The following TPMT variants were observed in gnomAD, a reference collection of about 807,000 sequenced individuals.
TPMT encodes the protein thiopurine S-methyltransferase.
A neutral mutation model predicts 34.2 loss-of-function variants in TPMT; 18 were observed. The ratio of observed to expected loss-of-function variants is 0.53; its 90% CI spans 0.36 to 0.78. The LOEUF is 0.78. Among genes scored for constraint, TPMT ranks in the 30% least tolerant of loss-of-function variants. The pLI, the probability that TPMT is intolerant of heterozygous loss-of-function variation, is 0.00. For synonymous variants in TPMT, 69 were observed against 92.4 expected (o/e 0.75, Z 1.45); for missense variants, 265 against 288.1 (o/e 0.92, Z 0.58).
Position 18,149,327 on chromosome 6 carries a change from G to A in TPMT, c.-44-156C>T, listed in dbSNP as rs1031506645. Among the ~76,000 whole-genome samples, 1 of 152,024 alleles carries A rather than the reference G, an allele frequency of 6.6e-6. No homozygotes were observed. Among genetic ancestry groups the A allele is most frequent in the Non-Finnish European group, 1.5e-5 (1 of 68,014 alleles). On this transcript the variant is annotated intron_variant, in intron 1 of 8. Coordinates refer to ENST00000309983, the MANE Select transcript of TPMT (RefSeq NM_000367.5). The surrounding 1 kb of genome is among the most constrained non-coding windows in gnomAD (Gnocchi z 5.0). ...TATTTTTGAGATGGAGTCTCACTCT[G>A]TCTCCCAGCCTGGGGTACAGTAGTG...
chr6:18,130,859 C>T lies in TPMT; in HGVS notation c.626-79G>A. The T allele has an allele frequency of 1.6e-6, 2 of 1,269,980 alleles. No homozygotes were observed. The highest frequency in any genetic ancestry group is 2.3e-6 in the Non-Finnish European group (2 of 879,712). The allele number at this position is 1,269,980 out of a possible 1,614,324, so 78.7% of individuals were successfully genotyped here. A position where few individuals can be genotyped will look rare whatever the true frequency, so the allele number is the denominator to read the frequency against. On this transcript the variant is annotated intron_variant, in intron 8 of 8. Transcript: ENST00000309983. This position sits in a 1 kb window ranked among gnomAD's most constrained non-coding sequence, Gnocchi z 4.2. ...TTCTTTTAAAAATACTCAAAATTGG[C>T]TGGGTGCGGTGGCTCACACCTGTAA... is the stretch of plus-strand genomic sequence containing the variant.
In TPMT at chr6:18,132,226, G is replaced by T; in HGVS notation, c.581-49C>A. 6.4e-7 allele frequency: 1 copy of T among 1,565,668 alleles called. No homozygotes were observed. Among genetic ancestry groups the T allele is most frequent in the Non-Finnish European group, 8.8e-7 (1 of 1,136,998 alleles). On this transcript the variant is annotated intron_variant, in intron 7 of 8. Coordinates refer to ENST00000309983, the MANE Select transcript of TPMT (RefSeq NM_000367.5). The surrounding 1 kb of genome is among the most constrained non-coding windows in gnomAD (Gnocchi z 4.8). ...TGAGTTTATTTCCAATGACGTAGGT[G>T]TACTTGTTCTACATACAACTTCATT...
chr6:18,141,960 C>A (rs1380709944), intron 4 of TPMT, among the ~76,000 whole-genome samples: 2 of 152,098 alleles, frequency 1.3e-5, no homozygotes, highest in Non-Finnish European at 2.9e-5. Context: ...AAGAAGCAGA[C>A]AACATGGTGC....
rs1784247129 is a variant in TPMT, at chr6:18,146,290, C to T, written c.233+1533G>A. Reference sequence around the variant, plus strand: ...CATGGGCTCATTGCAACCTCCGCCTCCTGGATTCAAGCAATTCTCCTGCTT... The same window carrying T: ...CATGGGCTCATTGCAACCTCCGCCTTCTGGATTCAAGCAATTCTCCTGCTT... On this transcript the variant is annotated intron_variant, in intron 3 of 8. Transcript: ENST00000309983. The surrounding 1 kb of genome is among the most constrained non-coding windows in gnomAD (Gnocchi z 6.2). Among the ~76,000 whole-genome samples, 1 of 152,052 alleles carries T rather than the reference C, an allele frequency of 6.6e-6. No homozygotes were observed. The highest frequency in any genetic ancestry group is 2.1e-4 in the South Asian group (1 of 4,824).
Position 18,150,913 on chromosome 6 carries a change from C to G in TPMT, c.-44-1742G>C, listed in dbSNP as rs1348824740. Among the ~76,000 whole-genome samples the G allele has an allele frequency of 5.3e-5, 8 of 152,168 alleles. No individual in the cohort carries two copies. The highest frequency in any genetic ancestry group is 3.4e-3 in the Middle Eastern group (1 of 294). On this transcript the variant is annotated intron_variant, in intron 1 of 8. Transcript: ENST00000309983. This position sits in a 1 kb window ranked among gnomAD's most constrained non-coding sequence, Gnocchi z 5.3. ...GTTTTTAATAGAGATGAGATTTGACCATGTTGGCCAGGCTGGTCTTGAACT... is the reference window on the plus strand; with the variant it reads ...GTTTTTAATAGAGATGAGATTTGACGATGTTGGCCAGGCTGGTCTTGAACT...
chr6:18,136,305 T>G lies in TPMT; in HGVS notation c.495-2416A>C, dbSNP rs1784040023. Among the ~76,000 whole-genome samples, 1 of 151,912 alleles carries G rather than the reference T, an allele frequency of 6.6e-6. No homozygotes were observed. The highest frequency in any genetic ancestry group is 1.5e-5 in the Non-Finnish European group (1 of 67,976). On this transcript the variant is annotated intron_variant, in intron 6 of 8. Coordinates refer to ENST00000309983, the MANE Select transcript of TPMT (RefSeq NM_000367.5). The surrounding 1 kb of genome is among the most constrained non-coding windows in gnomAD (Gnocchi z 4.7). Reference sequence around the variant, plus strand: ...GTTGTTAAAGGACACTGATGTCACATGGGAAGTGCAAAGCAGACACTGGAC... The same window carrying G: ...GTTGTTAAAGGACACTGATGTCACAGGGGAAGTGCAAAGCAGACACTGGAC...
In TPMT at chr6:18,143,656, C is replaced by T. The variant is rs749959178; in HGVS notation, c.306G>A (p.Glu102=). 1 of 1,613,938 alleles carries T rather than the reference C, an allele frequency of 6.2e-7. No individual in the cohort carries two copies. The highest frequency in any genetic ancestry group is 1.1e-5 in the South Asian group (1 of 91,072). ...SELGIQEFFT[E]QNLSYSEEPI... is the part of the protein sequence containing the mutation. Reference sequence around the variant, plus strand: ...GTTCTTCTGAGTAAGAAAGATTCTGCTCTGTAAAAAATTCTTGTATCCCAA... The same window carrying T: ...GTTCTTCTGAGTAAGAAAGATTCTGTTCTGTAAAAAATTCTTGTATCCCAA... Residue 102 remains glutamate (E), a synonymous_variant, in exon 4 of 9, where the codon GAG becomes GAA. Coordinates refer to ENST00000309983, the MANE Select transcript of TPMT (RefSeq NM_000367.5). This position sits in a 1 kb window ranked among gnomAD's most constrained non-coding sequence, Gnocchi z 6.1.
Position 18,143,920 on chromosome 6 carries a change from C to T in TPMT, c.234-192G>A, listed in dbSNP as rs1561890416. On this transcript the variant is annotated intron_variant, in intron 3 of 8. Coordinates refer to ENST00000309983, the MANE Select transcript of TPMT (RefSeq NM_000367.5). The surrounding 1 kb of genome is among the most constrained non-coding windows in gnomAD (Gnocchi z 6.1). ...CCTTATAAAAATTCTGAAAAACTGA[C>T]TTATATGAATTCAGGAAACAATAAA... 1.3e-5 allele frequency among the ~76,000 whole-genome samples: 2 copies of T among 151,950 alleles called. No homozygotes were observed. The highest frequency in any genetic ancestry group is 2.9e-5 in the Non-Finnish European group (2 of 67,988).
Position 18,128,469 on chromosome 6 carries a change from T to C in TPMT, c.*2199A>G, listed in dbSNP as rs1783867601. 6.6e-6 allele frequency: 1 copy of C among 152,214 alleles called. No individual in the cohort carries two copies. Among genetic ancestry groups the C allele is most frequent in the Non-Finnish European group, 1.5e-5 (1 of 68,046 alleles). The allele number at this position is 152,214 out of a possible 1,614,324, so 9.4% of individuals were successfully genotyped here. On this transcript the variant is annotated 3_prime_UTR_variant, in exon 9 of 9. Coordinates refer to ENST00000309983, the MANE Select transcript of TPMT (RefSeq NM_000367.5). This position sits in a 1 kb window ranked among gnomAD's most constrained non-coding sequence, Gnocchi z 4.6. ...GATATCTCATTTGTATTTAAGATTCTTTGGGCACAACTGCAAGCGGAAAGG... is the reference window on the plus strand; with the variant it reads ...GATATCTCATTTGTATTTAAGATTCCTTGGGCACAACTGCAAGCGGAAAGG...
At position 18,139,029 on chromosome 6, in the gene TPMT, A is replaced by G. The variant is rs769630417; in HGVS notation, c.428T>C (p.Ile143Thr). The stretch of plus-strand genomic sequence containing the variant: ...ATCCCAAATCATGTCAAATTTGCCA[A>G]TATTTGTCCTACCAGAAAGAGAAAA... The part of the protein sequence containing the change: ...CSIFDLPRTN[I>T]GKFDMIWDRG... The change falls in exon 6 of 9, where the codon ATT becomes ACT. Residue 143 changes from isoleucine to threonine, a missense_variant. Transcript: ENST00000309983. This position sits in a 1 kb window ranked among gnomAD's most constrained non-coding sequence, Gnocchi z 4.2. 4.5e-5 allele frequency: 73 copies of G among 1,613,736 alleles called. 1 individual carries two copies. The South Asian group carries it at 6.5e-4, about 14-fold the overall frequency.
chr6:18,150,077 C>T lies in TPMT; in HGVS notation c.-44-906G>A, dbSNP rs1310820386. Among the ~76,000 whole-genome samples the T allele has an allele frequency of 1.3e-5, 2 of 152,212 alleles. No homozygotes were observed. The highest frequency in any genetic ancestry group is 2.9e-5 in the Non-Finnish European group (2 of 68,048). ...GGGCTCAGTCCCTAAGATTTCCCTCCTCACTTAGACACCAGTTGCAAGTCC... is the reference window on the plus strand; with the variant it reads ...GGGCTCAGTCCCTAAGATTTCCCTCTTCACTTAGACACCAGTTGCAAGTCC... On this transcript the variant is annotated intron_variant, in intron 1 of 8. Coordinates refer to ENST00000309983, the MANE Select transcript of TPMT (RefSeq NM_000367.5). This position sits in a 1 kb window ranked among gnomAD's most constrained non-coding sequence, Gnocchi z 5.3.
rs1014971297 is a variant in TPMT, at chr6:18,129,625, T to G, written c.*1043A>C. ...TCTAACCTTTCATAATAAACAGCCA[T>G]GAATCCAGCTCTAAGTACATTATAT... On this transcript the variant is annotated 3_prime_UTR_variant, in exon 9 of 9. Coordinates refer to ENST00000309983, the MANE Select transcript of TPMT (RefSeq NM_000367.5). 1.3e-5 allele frequency: 2 copies of G among 152,304 alleles called. No individual in the cohort carries two copies. The highest frequency in any genetic ancestry group is 6.5e-5 in the Admixed American group (1 of 15,302). 9.4% of individuals were successfully genotyped at this position (152,304 alleles called of 1,614,324 possible).
chr6:18,149,967 A>C lies in TPMT; in HGVS notation c.-44-796T>G, dbSNP rs1406985092. On this transcript the variant is annotated intron_variant, in intron 1 of 8. Transcript: ENST00000309983. This position sits in a 1 kb window ranked among gnomAD's most constrained non-coding sequence, Gnocchi z 5.0. ...AATGTGGGGGTTCTTCCCCCAGCAC[A>C]CCAAATATTGGACACCAGTTGGGTA... Among the ~76,000 whole-genome samples, 1 of 152,166 alleles carries C rather than the reference A, an allele frequency of 6.6e-6. No homozygotes were observed. Among genetic ancestry groups the C allele is most frequent in the Non-Finnish European group, 1.5e-5 (1 of 68,028 alleles).
rs988076005 is a variant in TPMT, at chr6:18,154,047, A to T, written c.-45+986T>A. Among the ~76,000 whole-genome samples the T allele has an allele frequency of 3.1e-4, 47 of 152,126 alleles. No homozygotes were observed. The highest frequency in any genetic ancestry group is 1.1e-3 in the African/African-American group (45 of 41,418). ...ATCCTCTCACTTCAACCTCCTGAGTACCTGGGACTATAAGGGTGCACCACC... is the reference window on the plus strand; with the variant it reads ...ATCCTCTCACTTCAACCTCCTGAGTTCCTGGGACTATAAGGGTGCACCACC... On this transcript the variant is annotated intron_variant, in intron 1 of 8. Coordinates refer to ENST00000309983, the MANE Select transcript of TPMT (RefSeq NM_000367.5). The surrounding 1 kb of genome is among the most constrained non-coding windows in gnomAD (Gnocchi z 4.2).
chr6:18,143,506 G>T lies in TPMT; in HGVS notation c.366+90C>A. 6.5e-7 allele frequency: 1 copy of T among 1,533,890 alleles called. No individual in the cohort carries two copies. Among genetic ancestry groups the T allele is most frequent in the South Asian group, 1.1e-5 (1 of 88,570 alleles). ...ATCTGCGTGCTAAATAGGAACCATC[G>T]GACACATGAATGGTATCCTCATAAT... On this transcript the variant is annotated intron_variant, in intron 4 of 8. Coordinates refer to ENST00000309983, the MANE Select transcript of TPMT (RefSeq NM_000367.5). The surrounding 1 kb of genome is among the most constrained non-coding windows in gnomAD (Gnocchi z 6.1).
At position 18,135,514 on chromosome 6, in the gene TPMT, G is replaced by T. The variant is rs1784027401; in HGVS notation, c.495-1625C>A. Among the ~76,000 whole-genome samples, 1 of 152,150 alleles carries T rather than the reference G, an allele frequency of 6.6e-6. No homozygotes were observed. The highest frequency in any genetic ancestry group is 2.4e-5 in the African/African-American group (1 of 41,434). On this transcript the variant is annotated intron_variant, in intron 6 of 8. Transcript: ENST00000309983. This position sits in a 1 kb window ranked among gnomAD's most constrained non-coding sequence, Gnocchi z 5.0. The stretch of plus-strand genomic sequence containing the variant: ...AGCACCAATATAATGTGCTAACATG[G>T]TAAGTACTGAGTACCAGCATGTAGA...
In TPMT at chr6:18,150,039, T is replaced by C. The variant is rs1236116919; in HGVS notation, c.-44-868A>G. On this transcript the variant is annotated intron_variant, in intron 1 of 8. Transcript: ENST00000309983. The surrounding 1 kb of genome is among the most constrained non-coding windows in gnomAD (Gnocchi z 5.3). ...TTACCTACCTGGAGATAGTGTCAGATTCTATATGTTGGGGGCTCAGTCCCT... is the reference window on the plus strand; with the variant it reads ...TTACCTACCTGGAGATAGTGTCAGACTCTATATGTTGGGGGCTCAGTCCCT... Among the ~76,000 whole-genome samples the C allele has an allele frequency of 6.6e-6, 1 of 152,134 alleles. No homozygotes were observed. The highest frequency in any genetic ancestry group is 1.5e-5 in the Non-Finnish European group (1 of 68,022).
Position 18,146,896 on chromosome 6 carries a change from C to A in TPMT, c.233+927G>T, listed in dbSNP as rs373341174. 3.9e-5 allele frequency among the ~76,000 whole-genome samples: 6 copies of A among 152,216 alleles called. No homozygotes were observed. The highest frequency in any genetic ancestry group is 1.2e-4 in the African/African-American group (5 of 41,538). ...ATGCATGCATACTCTGCGTTAGTCA[C>A]CGATATTTATATTCAGAATAGACCA... On this transcript the variant is annotated intron_variant, in intron 3 of 8. Transcript: ENST00000309983. The surrounding 1 kb of genome is among the most constrained non-coding windows in gnomAD (Gnocchi z 6.2).
rs775741986 is a variant in TPMT at position 18,147,867 on chromosome 6, C to A, written c.189G>T (p.Leu63=). The A allele has an allele frequency of 1.9e-6, 3 of 1,613,794 alleles. No homozygotes were observed. In the African/African-American group the frequency reaches 4.0e-5, roughly 22 times the overall value. The change falls in exon 3 of 9, where the codon CTG becomes CTT. Residue 63 remains leucine, a synonymous_variant. Transcript: ENST00000309983. ...TTCCGCAAAGAGGAAAAAATACCCT[C>A]AGTCCACTCTTGCCTTTAAGGAAAG... ...LDTFLKGKSG[L]RVFFPLCGKA... is the part of the protein sequence containing the mutation.
Sources: gnomAD v4.1 joint callset for allele counts (sites outside exome capture counted in the v4.1 genomes callset) on GRCh38, gnomAD v4.1.1 for gene constraint, Gnocchi (gnomAD v3.1) non-coding constraint, MANE v1.5 for transcripts, NCBI Gene and HGNC (gene_info 2026-07-23, HGNC 2026-07-21) for gene names.